Variants in NKTR observed in about 807,000 individuals in gnomAD.
NKTR encodes NK-tumor recognition protein.
Under a neutral mutation model 156.3 loss-of-function variants are expected in NKTR, and 67 were observed. That is an observed-to-expected ratio of 0.43 (90% CI 0.35 to 0.53). The LOEUF (loss-of-function observed/expected upper bound fraction) is 0.53, where lower values mean the gene tolerates loss of function less well. NKTR is among the 20% of genes least tolerant of loss of function. The pLI is 0.01. For missense variants in NKTR, 1,604 were observed against 1,730.9 expected (o/e 0.93, Z 1.30); for synonymous variants, 640 against 596.6 (o/e 1.07, Z -1.06).
intron 3 of NKTR, 74 bp downstream of exon 3, chr3:42,617,718 C>A: frequency 1.3e-6 from 1 of 754,194 alleles, no homozygotes; most frequent in Non-Finnish European, 2.3e-6. Flanking sequence ...AGATATTTTC[C>A]TGGAAGAATA....
intron 6 of NKTR, among the ~76,000 whole-genome samples, chr3:42,622,586 A>G (rs910960502): frequency 1.3e-5 from 2 of 152,030 alleles, no homozygotes; most frequent in Admixed American, 1.3e-4. Context: ...GTTCCTAAGA[A>G]TGTCCTAAAA....
Position 42,639,529 on chromosome 3 carries a change from GTC to G in NKTR, c.3831_3832del (p.Phe1278Ter). On this transcript the variant is annotated frameshift_variant, in exon 13 of 17. Coordinates refer to ENST00000232978, the MANE Select transcript of NKTR (RefSeq NM_005385.4). LOFTEE classifies it high-confidence loss of function. ...IKSKNKVRPG[S>X]LFDEVRKTAR... Reference sequence around the variant, plus strand: ...AAAGCAAAAATAAAGTTCGGCCTGGGTCTCTCTTTGATGAAGTAAGAAAGACA... The same window carrying G: ...AAAGCAAAAATAAAGTTCGGCCTGGGTCTCTTTGATGAAGTAAGAAAGACA... 2.5e-6 allele frequency: 4 copies of G among 1,614,158 alleles called. No homozygotes were observed. The highest frequency in any genetic ancestry group is 1.7e-4 in the Middle Eastern group (1 of 6,060).
At chr3:42,613,119 G>A (rs1707001230) in intron 2 of NKTR, among the ~76,000 whole-genome samples, 1 of 151,942 alleles carries the variant, frequency 6.6e-6, no homozygotes, top group South Asian at 2.1e-4. Flanking sequence ...ATCTCTCTGC[G>A]GTCACACACA....
chr3:42,637,727 C>A lies in NKTR; in HGVS notation c.2023C>A (p.Gln675Lys). ...HKREKNSESD[Q>K]STYSKYSDRS... is the part of the protein sequence containing the mutation. ...AAGAGAAAAAAATTCGGAAAGTGAT[C>A]AGAGCACTTATTCAAAATACAGTGA... is the stretch of plus-strand genomic sequence containing the variant. Residue 675 changes from glutamine to lysine, a missense_variant, in exon 13 of 17, where the codon CAG becomes AAG. Around this residue, in one of 6 missense-constraint regions of NKTR, gnomAD observed 1,255 missense variants for 1,243.7 expected, o/e 1.01. Transcript: ENST00000232978. 1 of 1,613,996 alleles carries A rather than the reference C, an allele frequency of 6.2e-7. No individual in the cohort carries two copies.
intron 3 of NKTR, among the ~76,000 whole-genome samples, chr3:42,618,100 C>G (rs1223916463): frequency 6.6e-6 from 1 of 151,920 alleles, no homozygotes; most frequent in Non-Finnish European, 1.5e-5. Context: ...CCTGTAATCC[C>G]AGCACTTTGG....
At chr3:42,640,395 T>G (rs1709783976) in intron 13 of NKTR, among the ~76,000 whole-genome samples, 1 of 152,218 alleles carries the variant, frequency 6.6e-6, no homozygotes, top group African/African-American at 2.4e-5. Context: ...CTAAAAATAT[T>G]TGTGATGGTA....
chr3:42,637,823 A>G lies in NKTR; in HGVS notation c.2119A>G (p.Thr707Ala). ...GAGTAGATCTTATTCCAGATCATAT[A>G]CAAGATCACGTAGTCTAGCTAGTTC... ...SRSRSYSRSY[T>A]RSRSLASSHS... is the part of the protein sequence containing the mutation. The change falls in exon 13 of 17, where the codon ACA becomes GCA. Residue 707 changes from threonine to alanine, a missense_variant. By Grantham distance (58) the Thr-to-Ala change is moderately conservative. This residue lies in a region of NKTR where 1,255 missense variants were observed against 1,243.7 expected (regional missense o/e 1.01). Transcript: ENST00000232978. 1 of 1,613,984 alleles carries G rather than the reference A, an allele frequency of 6.2e-7. No individual in the cohort carries two copies. Among genetic ancestry groups the G allele is most frequent in the African/African-American group, 1.3e-5 (1 of 75,048 alleles).
At chr3:42,643,695 G>C (rs1175960103) in intron 15 of NKTR, 1 of 683,728 alleles carries the variant, frequency 1.5e-6, no homozygotes, top group Non-Finnish European at 2.7e-6. Flanking sequence ...ATGCAGAAAA[G>C]AAATTAACAT....
intron 2 of NKTR, chr3:42,603,146 G>A (rs1176469774): frequency 2.0e-5 from 3 of 151,494 alleles, no homozygotes; most frequent in Non-Finnish European, 2.9e-5. Context: ...CAGGAGGATT[G>A]CTTGAACCCA....
chr3:42,617,681 T>C (rs778186237), intron 3 of NKTR, 37 bp downstream of exon 3: 3 of 1,099,354 alleles, frequency 2.7e-6, no homozygotes, highest in Non-Finnish European at 4.2e-6. Context: ...AAGCTGTGGC[T>C]TACAGTTTTA....
At chr3:42,627,646 A>G (rs908592090) in intron 6 of NKTR, 1 of 984,982 alleles carries the variant, frequency 1.0e-6, no homozygotes, top group Non-Finnish European at 1.2e-6. Flanking sequence ...TTTAAAGTAG[A>G]TTCAGGGGTC....
intron 12 of NKTR, among the ~76,000 whole-genome samples, chr3:42,636,114 G>A (rs999421148): frequency 4.6e-5 from 7 of 152,082 alleles, no homozygotes; most frequent in African/African-American, 1.7e-4. Context: ...TTTTAGGAAG[G>A]GGATAGGCCC....
intron 11 of NKTR, 165 bp from the exon 12 acceptor site, chr3:42,635,056 C>CCA (rs1709255128): frequency 3.2e-6 from 1 of 316,768 alleles, no homozygotes. Context: ...AAGTTAAAAA[C>CCA]TAAAAAAAAA....
In NKTR at chr3:42,637,176, C is replaced by A; in HGVS notation, c.1472C>A (p.Ser491Ter). Reference sequence around the variant, plus strand: ...AGGAGTTCTCGTTCTTCCTCATTGTCATCTCATCACTCATCAAAGAGAGAC... The same window carrying A: ...AGGAGTTCTCGTTCTTCCTCATTGTAATCTCATCACTCATCAAAGAGAGAC... ...RERSSRSSSLSSHHSSKRDWS... is the reference protein window; with the variant it reads ...RERSSRSSSL Residue 491 changes from serine to a stop codon, truncating the protein, a stop_gained, in exon 13 of 17, where the codon TCA becomes TAA. Transcript: ENST00000232978. LOFTEE classifies it high-confidence loss of function. The A allele has an allele frequency of 6.2e-7, 1 of 1,611,620 alleles. No homozygotes were observed. Among genetic ancestry groups the A allele is most frequent in the South Asian group, 1.1e-5 (1 of 90,398 alleles).
chr3:42,610,953 T>G (rs1706737973), intron 2 of NKTR: 1 of 152,208 alleles, frequency 6.6e-6, no homozygotes, highest in African/African-American at 2.4e-5. Context: ...TATACTATCT[T>G]ATAATTCTTT....
chr3:42,631,062 GTTTTA>G, intron 7 of NKTR, 104 bp from the exon 8 acceptor site: 1 of 1,468,754 alleles, frequency 6.8e-7, no homozygotes, highest in Non-Finnish European at 9.0e-7. Flanking sequence ...AAACAGTTTG[GTTTTA>G]TTTTCAGGTC....
Position 42,632,967 on chromosome 3 carries a change from A to G in NKTR, c.773+144A>G, listed in dbSNP as rs28372826. 3.6e-3 allele frequency: 4,757 copies of G among 1,326,960 alleles called. 197 individuals carry two copies. In the Admixed American group the frequency reaches 0.083, roughly 23 times the overall value. 82.2% of individuals were successfully genotyped at this position (1,326,960 alleles called of 1,614,324 possible). A position where few individuals can be genotyped will look rare whatever the true frequency, so the allele number is the denominator to read the frequency against. ...TAAACTTTAAATTGAAATCTGGCAA[A>G]TCTAGGAGTAGGTAGCATAGGCATT... On this transcript the variant is annotated intron_variant, in intron 9 of 16. Coordinates refer to ENST00000232978, the MANE Select transcript of NKTR (RefSeq NM_005385.4).
At chr3:42,618,567 C>T (rs1707618873) in intron 3 of NKTR, among the ~76,000 whole-genome samples, 1 of 151,890 alleles carries the variant, frequency 6.6e-6, no homozygotes, top group South Asian at 2.1e-4. Context: ...GCCTCAGCCT[C>T]CTGAGTAGCT....
chr3:42,630,272 G>T, intron 6 of NKTR: 2 of 1,182,626 alleles, frequency 1.7e-6, no homozygotes, highest in Non-Finnish European at 1.0e-6. Flanking sequence ...GTGTATTTAT[G>T]GCTACAAGTC....
Sources: allele counts gnomAD v4.1 joint callset (sites outside exome capture counted in the v4.1 genomes callset), GRCh38; gene constraint gnomAD v4.1.1; regional missense constraint gnomAD v4.1.1; transcripts MANE v1.5; gene names NCBI Gene and HGNC (gene_info 2026-07-23, HGNC 2026-07-21).